RNF13: variants seen among roughly 807,000 people sequenced by gnomAD.
RNF13 encodes the protein E3 ubiquitin-protein ligase RNF13.
In RNF13, 19 loss-of-function variants were observed where a neutral mutation model predicts 37.7. The observed-to-expected ratio is 0.50, with a 90% CI of 0.35 to 0.74. RNF13 has a LOEUF of 0.74. Among genes scored for constraint, RNF13 ranks in the 30% least tolerant of loss-of-function variants. RNF13 has a pLI of 0.01. For synonymous variants in RNF13, 144 were observed against 157.8 expected (o/e 0.91, Z 0.65); for missense variants, 375 against 453.0 (o/e 0.83, Z 1.56).
intron 7 of RNF13, among the ~76,000 whole-genome samples, chr3:149,919,422 C>G (rs982627752): frequency 3.9e-5 from 6 of 152,138 alleles, no homozygotes; most frequent in African/African-American, 9.7e-5. Flanking sequence ...TCTCCATGCC[C>G]AGACAACTAC....
chr3:149,923,113 C>CA (rs563683773), intron 8 of RNF13, among the ~76,000 whole-genome samples: 42 of 150,582 alleles, frequency 2.8e-4, no homozygotes, highest in Non-Finnish European at 4.0e-4. Context: ...GAACACTTAA[C>CA]AAAAAAAAGT....
At chr3:149,837,386 A>G (rs1696721725) in intron 1 of RNF13, among the ~76,000 whole-genome samples, 1 of 152,172 alleles carries the variant, frequency 6.6e-6, no homozygotes. Context: ...ACTATAATAG[A>G]TAGCTCCCCA....
chr3:149,850,032 T>C (rs1418817741), intron 2 of RNF13, among the ~76,000 whole-genome samples: 19 of 151,940 alleles, frequency 1.3e-4, no homozygotes, highest in Admixed American at 1.2e-3. Flanking sequence ...CAAGCTGTTG[T>C]GCAGTGGCGC....
At chr3:149,907,120 T>C (rs1034598550) in intron 6 of RNF13, among the ~76,000 whole-genome samples, 2 of 152,194 alleles carry the variant, frequency 1.3e-5, no homozygotes, top group African/African-American at 4.8e-5. Flanking sequence ...TGAAAGCTCA[T>C]TTTTGAGTGT....
At chr3:149,878,568 T>TA (rs537139452) in intron 4 of RNF13, among the ~76,000 whole-genome samples, 109 of 152,356 alleles carry the variant, frequency 7.2e-4, no homozygotes, top group African/African-American at 2.6e-3. Flanking sequence ...CAGGAATTTT[T>TA]ATCCAATAGA....
intron 1 of RNF13, among the ~76,000 whole-genome samples, chr3:149,840,798 A>G (rs2108362326): frequency 6.6e-6 from 1 of 152,368 alleles, no homozygotes; most frequent in South Asian, 2.1e-4. Flanking sequence ...GTAGGAGGAT[A>G]GAGACTGGGA....
At chr3:149,844,473 A>G (rs576553155) in intron 1 of RNF13, among the ~76,000 whole-genome samples, 1 of 152,222 alleles carries the variant, frequency 6.6e-6, no homozygotes, top group South Asian at 2.1e-4. Context: ...TAATATAGAC[A>G]CTCTCTGTCT....
At chr3:149,900,858 A>T (rs527992265) in intron 5 of RNF13, among the ~76,000 whole-genome samples, 83 of 150,602 alleles carry the variant, frequency 5.5e-4, no homozygotes, top group African/African-American at 1.3e-3. Context: ...TGTGTGTGTG[A>T]GAGAGAGAGA....
chr3:149,816,064 A>AT (rs36004917), intron 1 of RNF13, among the ~76,000 whole-genome samples: 46,816 of 142,174 alleles, frequency 0.33, 9,015 homozygotes, highest in East Asian at 0.63. Flanking sequence ...GGCTAATTAA[A>AT]TTTTTTTTTT....
At chr3:149,933,016 TC>T (rs1719315504) in intron 8 of RNF13, among the ~76,000 whole-genome samples, 1 of 152,220 alleles carries the variant, frequency 6.6e-6, no homozygotes, top group African/African-American at 2.4e-5. Flanking sequence ...AAGCCTTCTT[TC>T]CTTTTGAATG....
intron 8 of RNF13, among the ~76,000 whole-genome samples, chr3:149,941,805 G>T (rs1720308296): frequency 6.6e-6 from 1 of 151,410 alleles, no homozygotes; most frequent in Non-Finnish European, 1.5e-5. Flanking sequence ...TTTTCTAGGA[G>T]TTTAATAGTT....
intron 4 of RNF13, among the ~76,000 whole-genome samples, chr3:149,873,165 T>G (rs1408729748): frequency 6.6e-6 from 1 of 152,212 alleles, no homozygotes; most frequent in African/African-American, 2.4e-5. Flanking sequence ...TTGTAATGTT[T>G]CATTAATTTC....
chr3:149,858,854 A>C (rs1723926338), intron 3 of RNF13, among the ~76,000 whole-genome samples: 1 of 152,214 alleles, frequency 6.6e-6, no homozygotes, highest in Non-Finnish European at 1.5e-5. Context: ...TGTTCTTTGA[A>C]AGTTAATTTA....
intron 5 of RNF13, 127 bp downstream of exon 5, chr3:149,895,687 C>A: frequency 1.8e-6 from 1 of 549,330 alleles, no homozygotes; most frequent in Non-Finnish European, 3.3e-6. Flanking sequence ...GATAATCCCT[C>A]ATTCTTAACT....
At chr3:149,928,658 C>A (rs1718883930) in intron 8 of RNF13, among the ~76,000 whole-genome samples, 1 of 152,102 alleles carries the variant, frequency 6.6e-6, no homozygotes, top group Admixed American at 6.5e-5. Context: ...GGGTCCTTTG[C>A]AATTCCATAA....
chr3:149,912,012 C>G lies in RNF13; in HGVS notation c.535C>G (p.Pro179Ala). Residue 179 changes from proline to alanine, a missense_variant, in exon 7 of 10, where the codon CCT becomes GCT. Physicochemically the swap from Pro to Ala is conservative, Grantham distance 27. Coordinates refer to ENST00000392894, the MANE Select transcript of RNF13 (RefSeq NM_183381.3). Reference protein sequence around the residue: ...HLILVPEFSLPLEYYLIPFLI... With the variant: ...HLILVPEFSLALEYYLIPFLI... ...TATCTTAGTTCCAGAATTTAGTCTT[C>G]CTTTGGAATACTACCTAATTCCCTT... 1.3e-6 allele frequency: 2 copies of G among 1,598,618 alleles called. No homozygotes were observed. Among genetic ancestry groups the G allele is most frequent in the Non-Finnish European group, 1.7e-6 (2 of 1,166,998 alleles).
chr3:149,867,449 G>A (rs1018507085), intron 3 of RNF13, among the ~76,000 whole-genome samples: 7 of 151,408 alleles, frequency 4.6e-5, no homozygotes, highest in Non-Finnish European at 1.0e-4. Context: ...TGTATTTTTA[G>A]TAGAGATGGG....
chr3:149,895,464 G>A lies in RNF13; in HGVS notation c.322-9G>A, dbSNP rs759595344. ...AACATAATTTTTTTTTTTTTTTTTT[G>A]CTTTGCAGGTTTTAAATGCACAGAG... is the stretch of plus-strand genomic sequence containing the variant. On this transcript the variant is annotated splice_polypyrimidine_tract_variant and intron_variant, in intron 4 of 9. Transcript: ENST00000392894. 8.7e-6 allele frequency: 7 copies of A among 807,184 alleles called. No homozygotes were observed. The African/African-American group carries it at 1.7e-4, about 20-fold the overall frequency. The allele number at this position is 807,184 out of a possible 1,614,324, so 50.0% of individuals were successfully genotyped here. A position where few individuals can be genotyped will look rare whatever the true frequency, so the allele number is the denominator to read the frequency against.
At chr3:149,913,844 T>C (rs1717229839) in intron 7 of RNF13, among the ~76,000 whole-genome samples, 1 of 152,214 alleles carries the variant, frequency 6.6e-6, no homozygotes, top group South Asian at 2.1e-4. Flanking sequence ...TTGGTTAAGG[T>C]AGTGTTTGCT....
Sources: gnomAD v4.1 joint callset for allele counts (sites outside exome capture counted in the v4.1 genomes callset) on GRCh38, gnomAD v4.1.1 for gene constraint, MANE v1.5 for transcripts, NCBI Gene and HGNC (gene_info 2026-07-23, HGNC 2026-07-21) for gene names.